The following ZNF804A variants were observed in gnomAD, a reference collection of about 807,000 sequenced individuals.
ZNF804A encodes zinc finger protein 804A.
Under a neutral mutation model 16.5 loss-of-function variants are expected in ZNF804A, and 2 were observed. The ratio of observed to expected loss-of-function variants is 0.12; its 90% confidence interval spans 0.05 to 0.38. ZNF804A has a LOEUF of 0.38. ZNF804A is among the 10% of genes least tolerant of loss of function. The probability of loss-of-function intolerance (pLI) is 0.99; values close to 1 mark genes in which losing one functional copy is unlikely to be tolerated. For synonymous variants in ZNF804A, 534 were observed against 489.6 expected, an observed-to-expected ratio of 1.09 and a Z score of -1.20; for missense variants, 1,473 against 1,390.7, an observed-to-expected ratio of 1.06 and a Z score of -0.94.
At chr2:184,729,896 T>A (rs1219281771) in intron 1 of ZNF804A, among the ~76,000 whole-genome samples, 2 of 152,130 alleles carry the variant, frequency 1.3e-5, no homozygotes, top group Non-Finnish European at 2.9e-5. Flanking sequence ...TTGAATATTA[T>A]CCTTAGCTTA....
chr2:184,632,612 A>G (rs556530995), intron 1 of ZNF804A, among the ~76,000 whole-genome samples: 1 of 152,256 alleles, frequency 6.6e-6, no homozygotes, highest in South Asian at 2.1e-4. Flanking sequence ...GGCCAAGCTC[A>G]AGGGATCTGC....
intron 1 of ZNF804A, among the ~76,000 whole-genome samples, chr2:184,667,035 T>C (rs1282508309): frequency 1.3e-5 from 2 of 151,986 alleles, no homozygotes; most frequent in Non-Finnish European, 2.9e-5. Context: ...GAAAGGCAAA[T>C]AATCCAAATT....
At chr2:184,721,875 G>GAT (rs1447759658) in intron 1 of ZNF804A, among the ~76,000 whole-genome samples, 1 of 152,024 alleles carries the variant, frequency 6.6e-6, no homozygotes, top group Non-Finnish European at 1.5e-5. Context: ...AAGGAAATGT[G>GAT]ATATATATAC....
chr2:184,634,199 A>C (rs1383729486), intron 1 of ZNF804A, among the ~76,000 whole-genome samples: 1 of 152,194 alleles, frequency 6.6e-6, no homozygotes, highest in African/African-American at 2.4e-5. Flanking sequence ...ACTTTTTTTC[A>C]TTATTCTTTT....
At chr2:184,632,207 A>G (rs1182169904) in intron 1 of ZNF804A, among the ~76,000 whole-genome samples, 2 of 152,044 alleles carry the variant, frequency 1.3e-5, no homozygotes, top group Non-Finnish European at 2.9e-5. Context: ...CATACACTTT[A>G]ACTCAGTAAT....
At chr2:184,847,326 C>T (rs1265483024) in intron 1 of ZNF804A, among the ~76,000 whole-genome samples, 1 of 152,016 alleles carries the variant, frequency 6.6e-6, no homozygotes, top group South Asian at 2.1e-4. Flanking sequence ...TAGTAAAATT[C>T]TGTTCAGTAT....
intron 1 of ZNF804A, among the ~76,000 whole-genome samples, chr2:184,604,709 C>A (rs1691113821): frequency 6.6e-6 from 1 of 152,144 alleles, no homozygotes; most frequent in Non-Finnish European, 1.5e-5. Context: ...ACTTTCCTGA[C>A]CATTGAAGGC....
chr2:184,880,850 AG>A (rs1367586024), intron 2 of ZNF804A, among the ~76,000 whole-genome samples: 1 of 152,106 alleles, frequency 6.6e-6, no homozygotes, highest in Non-Finnish European at 1.5e-5. Flanking sequence ...CCACCTATGA[AG>A]GCAGAAGCCC....
chr2:184,910,721 G>C (rs1248098422), intron 2 of ZNF804A, among the ~76,000 whole-genome samples: 1 of 151,910 alleles, frequency 6.6e-6, no homozygotes, highest in African/African-American at 2.4e-5. Flanking sequence ...TTTCCCTAAT[G>C]ATTAGTAATG....
intron 1 of ZNF804A, among the ~76,000 whole-genome samples, chr2:184,686,764 G>GT (rs1476333001): frequency 1.3e-5 from 2 of 152,124 alleles, no homozygotes; most frequent in African/African-American, 4.8e-5. Context: ...TCTCATTGTG[G>GT]TTTTGATTTG....
intron 1 of ZNF804A, among the ~76,000 whole-genome samples, chr2:184,769,424 T>G (rs1383273261): frequency 2.0e-5 from 3 of 152,100 alleles, no homozygotes; most frequent in Admixed American, 6.6e-5. Flanking sequence ...CAATTTTATA[T>G]TTCTGGAACC....
chr2:184,792,074 G>A (rs769094108), intron 1 of ZNF804A, among the ~76,000 whole-genome samples: 3 of 152,104 alleles, frequency 2.0e-5, no homozygotes, highest in Non-Finnish European at 4.4e-5. Flanking sequence ...TTCACCTACT[G>A]AAGGATATAC....
At chr2:184,670,701 CT>C (rs1359415303) in intron 1 of ZNF804A, among the ~76,000 whole-genome samples, 2 of 152,060 alleles carry the variant, frequency 1.3e-5, no homozygotes, top group Non-Finnish European at 2.9e-5. Flanking sequence ...TTTGTGGACT[CT>C]AAATTTACTT....
chr2:184,610,179 G>T (rs1691213640), intron 1 of ZNF804A, among the ~76,000 whole-genome samples: 1 of 152,184 alleles, frequency 6.6e-6, no homozygotes, highest in African/African-American at 2.4e-5. Context: ...TCTGGACTCT[G>T]CAGAGAGTCC....
intron 1 of ZNF804A, among the ~76,000 whole-genome samples, chr2:184,859,998 G>A (rs1241237099): frequency 2.0e-5 from 3 of 152,220 alleles, no homozygotes; most frequent in African/African-American, 4.8e-5. Context: ...GGATGAAAAT[G>A]GAGCCTTAAC....
intron 1 of ZNF804A, among the ~76,000 whole-genome samples, chr2:184,847,155 T>TAATAATTCTTTA (rs1695532125): frequency 1.3e-5 from 2 of 152,122 alleles, no homozygotes; most frequent in African/African-American, 4.8e-5. Context: ...TACTGTTGAG[T>TAATAATTCTTTA]TGTACTCAAT....
At chr2:184,679,886 GGT>G (rs2105718220) in intron 1 of ZNF804A, among the ~76,000 whole-genome samples, 1 of 152,306 alleles carries the variant, frequency 6.6e-6, no homozygotes, top group Non-Finnish European at 1.5e-5. Context: ...TGGGCAGAAA[GGT>G]GTGAGTTCCC....
chr2:184,739,771 A>C (rs1028172124), intron 1 of ZNF804A, among the ~76,000 whole-genome samples: 2 of 152,178 alleles, frequency 1.3e-5, no homozygotes, highest in Non-Finnish European at 2.9e-5. Flanking sequence ...TCAATGTCCC[A>C]ATACTTTAAT....
In ZNF804A at chr2:184,936,767, T is replaced by C. The variant is rs1685795054; in HGVS notation, c.1371T>C (p.Cys457=). ...CGAAACCATCAATTTCCTATAGCTG[T>C]AATCCTCTATGTTTTGACTTCAAGT... The part of the protein sequence containing the change: ...TTTKPSISYS[C]NPLCFDFKST... Residue 457 remains cysteine, a synonymous_variant, in exon 4 of 4, where the codon TGT becomes TGC. Coordinates refer to ENST00000302277, the MANE Select transcript of ZNF804A (RefSeq NM_194250.2). 6.2e-7 allele frequency: 1 copy of C among 1,613,814 alleles called. No individual in the cohort carries two copies. Among genetic ancestry groups the C allele is most frequent in the African/African-American group, 1.3e-5 (1 of 74,930 alleles).
Sources: allele counts gnomAD v4.1 joint callset (sites outside exome capture counted in the v4.1 genomes callset), GRCh38; gene constraint gnomAD v4.1.1; transcripts MANE v1.5; gene names NCBI Gene and HGNC (gene_info 2026-07-23, HGNC 2026-07-21).